ZNF85: variants seen among roughly 807,000 people sequenced by gnomAD.
ZNF85 encodes the protein zinc finger protein 85, also known as zinc finger protein 85 (HPF4, HTF1).
A neutral mutation model predicts 53.9 loss-of-function variants in ZNF85; 50 were observed. The ratio of observed to expected loss-of-function variants is 0.93; its 90% confidence interval spans 0.74 to 1.17. The LOEUF (loss-of-function observed/expected upper bound fraction) is 1.17, where lower values mean the gene tolerates loss of function less well. Ranked by LOEUF, ZNF85 falls within the 50% of genes most tolerant of loss-of-function variation. The pLI, the probability that ZNF85 is intolerant of heterozygous loss-of-function variation, is 0.00. For synonymous variants in ZNF85, 225 were observed against 226.1 expected, an observed-to-expected ratio of 1.00 and a Z score of 0.04; for missense variants, 747 against 688.5, an observed-to-expected ratio of 1.08 and a Z score of -0.95.
chr19:20,923,455 G>C lies in ZNF85; in HGVS notation c.3+52G>C, dbSNP rs757266334. On this transcript the variant is annotated intron_variant, in intron 1 of 3. Transcript: ENST00000328178. ...AGGGGGAAAGGGGTTGGTTGAAACC[G>C]GTGGGAAGCGGCTGTGGCGGGACTC... 3.1e-6 allele frequency: 5 copies of C among 1,612,812 alleles called. No homozygotes were observed. In the Admixed American group the frequency reaches 6.7e-5, roughly 22 times the overall value.
At chr19:20,941,693 C>T (rs1482778489) in intron 3 of ZNF85, among the ~76,000 whole-genome samples, 3 of 152,010 alleles carry the variant, frequency 2.0e-5, no homozygotes, top group Non-Finnish European at 4.4e-5. Flanking sequence ...TATACATTCT[C>T]AATGTTAACT....
chr19:20,923,817 CACGCCTGTAA>C (rs1461090172), intron 1 of ZNF85, among the ~76,000 whole-genome samples: 1 of 152,104 alleles, frequency 6.6e-6, no homozygotes, highest in Non-Finnish European at 1.5e-5. Flanking sequence ...CGTGGTGGCT[CACGCCTGTAA>C]TTTCAGCACT....
chr19:20,936,010 A>G (rs113893886), intron 3 of ZNF85, among the ~76,000 whole-genome samples: 1,815 of 151,860 alleles, frequency 0.012, 34 homozygotes, highest in African/African-American at 0.035. Context: ...ATCTTCCAGT[A>G]TAAAAATGTT....
intron 3 of ZNF85, among the ~76,000 whole-genome samples, chr19:20,945,023 T>C (rs1359090146): frequency 6.6e-6 from 1 of 152,186 alleles, no homozygotes; most frequent in African/African-American, 2.4e-5. Flanking sequence ...TCTTCTACTT[T>C]TATCATCTTA....
At position 20,949,115 on chromosome 19, in the gene ZNF85, T is replaced by G. The variant is rs1973496651; in HGVS notation, c.601T>G (p.Phe201Val). 1.2e-6 allele frequency: 2 copies of G among 1,613,490 alleles called. No homozygotes were observed. The highest frequency in any genetic ancestry group is 1.7e-6 in the Non-Finnish European group (2 of 1,179,706). The change falls in exon 4 of 4, where the codon TTC becomes GTC. Residue 201 changes from phenylalanine to valine, a missense_variant. Coordinates refer to ENST00000328178, the MANE Select transcript of ZNF85 (RefSeq NM_003429.5). The part of the protein sequence containing the change: ...EHSRIHTRVN[F>V]YKCEECGKAF... ...TAGCAGAATTCATACTAGAGTAAAT[T>G]TCTACAAATGTGAAGAATGTGGAAA...
intron 1 of ZNF85, among the ~76,000 whole-genome samples, chr19:20,931,604 TTTTC>T (rs1420503714): frequency 1.4e-5 from 2 of 138,644 alleles, no homozygotes; most frequent in Admixed American, 7.2e-5. Context: ...CATATTTTCT[TTTTC>T]TTTTTCTTTT....
intron 1 of ZNF85, chr19:20,927,992 CCT>C (rs1972920246): frequency 6.7e-6 from 1 of 149,990 alleles, no homozygotes; most frequent in Admixed American, 6.6e-5. Flanking sequence ...TTTTTCCCCA[CCT>C]CTTTTTTTGT....
At chr19:20,947,979 AT>A (rs529228989) in intron 3 of ZNF85, among the ~76,000 whole-genome samples, 2 of 151,968 alleles carry the variant, frequency 1.3e-5, no homozygotes, top group Non-Finnish European at 2.9e-5. Flanking sequence ...TTGCCCCAAT[AT>A]TTTTATATGT....
Position 20,930,939 on chromosome 19 carries a change from A to AT in ZNF85, c.4-3078dup, listed in dbSNP as rs1229550196. 1.2e-4 allele frequency among the ~76,000 whole-genome samples: 18 copies of AT among 152,076 alleles called. No individual in the cohort carries two copies. In the East Asian group the frequency reaches 3.3e-3, roughly 28 times the overall value. ...AGACATGCACCACCACACCCAGCTAATTTTTTTGTATTTTTAGTAGAGACT... is the reference window on the plus strand; with the variant it reads ...AGACATGCACCACCACACCCAGCTAATTTTTTTTGTATTTTTAGTAGAGACT... On this transcript the variant is annotated intron_variant, in intron 1 of 3. Coordinates refer to ENST00000328178, the MANE Select transcript of ZNF85 (RefSeq NM_003429.5).
At chr19:20,941,101 T>A (rs957464238) in intron 3 of ZNF85, among the ~76,000 whole-genome samples, 2 of 152,198 alleles carry the variant, frequency 1.3e-5, no homozygotes, top group African/African-American at 4.8e-5. Flanking sequence ...ACTGCATCCT[T>A]GTTTTCCACC....
intron 1 of ZNF85, among the ~76,000 whole-genome samples, 155 bp from the exon 2 acceptor site, chr19:20,933,869 C>T (rs538670350): frequency 2.8e-4 from 43 of 152,086 alleles, no homozygotes; most frequent in Non-Finnish European, 5.6e-4. Flanking sequence ...TAATTTTAGT[C>T]ACTCCTGTAA....
At position 20,950,001 on chromosome 19, in the gene ZNF85, C is replaced by A. The variant is rs780323306; in HGVS notation, c.1487C>A (p.Thr496Asn). The A allele has an allele frequency of 1.2e-6, 2 of 1,609,514 alleles. No homozygotes were observed. Among genetic ancestry groups the A allele is most frequent in the African/African-American group, 1.4e-5 (1 of 73,946 alleles). Reference protein sequence around the residue: ...ECGKGFKWPSTLTIHKIIHTG... With the variant: ...ECGKGFKWPSNLTIHKIIHTG... The stretch of plus-strand genomic sequence containing the variant: ...GGCAAAGGTTTTAAATGGCCCTCAA[C>A]CCTTACTATCCATAAGATAATTCAT... Residue 496 changes from threonine to asparagine, a missense_variant, in exon 4 of 4, where the codon ACC becomes AAC. Coordinates refer to ENST00000328178, the MANE Select transcript of ZNF85 (RefSeq NM_003429.5).
At position 20,949,608 on chromosome 19, in the gene ZNF85, C is replaced by T. The variant is rs144723751; in HGVS notation, c.1094C>T (p.Thr365Ile). Residue 365 changes from threonine (T) to isoleucine (I), a missense_variant, in exon 4 of 4, where the codon ACT becomes ATT. By Grantham distance (89) the Thr-to-Ile change is moderately conservative (BLOSUM62 -1). Coordinates refer to ENST00000328178, the MANE Select transcript of ZNF85 (RefSeq NM_003429.5). The stretch of plus-strand genomic sequence containing the variant: ...CTTACCACACATGAGGTAATTCATA[C>T]TGGAGAGAAACCCTACAAATGTGAA... Reference protein sequence around the residue: ...AHLTTHEVIHTGEKPYKCEKC... With the variant: ...AHLTTHEVIHIGEKPYKCEKC... 230 of 1,602,326 alleles carry T rather than the reference C, an allele frequency of 1.4e-4. 1 individual carries two copies. In the East Asian group the frequency reaches 3.1e-3, roughly 22 times the overall value.
rs1973229157 is a variant in ZNF85 at position 20,938,928 on chromosome 19, T to C, written c.229+3881T>C. The stretch of plus-strand genomic sequence containing the variant: ...TATTTTATTTAGCAGTTTAAGGCTA[T>C]TTGCTTCTAAATTTGGATTGCAGCA... On this transcript the variant is annotated intron_variant, in intron 3 of 3. Transcript: ENST00000328178. Among the ~76,000 whole-genome samples the C allele has an allele frequency of 2.6e-5, 4 of 152,030 alleles. No homozygotes were observed. In the South Asian group the frequency reaches 6.2e-4, roughly 24 times the overall value.
chr19:20,931,621 T>TTTTTTTTTTTTTTTTTCTTTTTC, intron 1 of ZNF85, among the ~76,000 whole-genome samples: 1 of 53,134 alleles, frequency 1.9e-5, no homozygotes. Context: ...TTTCTTTTTC[T>TTTTTTTTTTTTTTTTTCTTTTTC]TTTTTTTTTT....
intron 3 of ZNF85, among the ~76,000 whole-genome samples, chr19:20,944,880 G>A (rs944389823): frequency 1.4e-4 from 21 of 152,038 alleles, no homozygotes; most frequent in African/African-American, 4.6e-4. Flanking sequence ...TCAGCCATAT[G>A]TCTATTGCTA....
In ZNF85 at chr19:20,948,910, T is replaced by C; in HGVS notation, c.396T>C (p.Asn132=). 1 of 1,613,724 alleles carries C rather than the reference T, an allele frequency of 6.2e-7. No homozygotes were observed. Among genetic ancestry groups the C allele is most frequent in the East Asian group, 2.2e-5 (1 of 44,840 alleles). Residue 132 remains asparagine, a synonymous_variant, in exon 4 of 4, where the codon AAT becomes AAC. Transcript: ENST00000328178. ...GTAAGATGCACAAAGGAGGTTGTAA[T>C]GGACTTAACCAATGTCTCACAGCTA... ...DECKMHKGGC[N]GLNQCLTATQ... is the part of the protein sequence containing the mutation.
rs1555793059 is a variant in ZNF85 at position 20,930,142 on chromosome 19, A to AAAG, written c.4-3882_4-3881insAAG. Among the ~76,000 whole-genome samples the AAAG allele has an allele frequency of 5.7e-3, 823 of 144,478 alleles. 6 individuals are homozygous for AAAG. The highest frequency in any genetic ancestry group is 7.7e-3 in the Non-Finnish European group (506 of 65,556). 94.8% of individuals were successfully genotyped at this position (144,478 alleles called of 152,430 possible). ...TCCCAAAAAAAAAAAAAAAAAAAAA[A>AAAG]GAAATCAGAGTTTTTGTCTGGTGAA... On this transcript the variant is annotated intron_variant, in intron 1 of 3. Transcript: ENST00000328178.
At chr19:20,948,551 T>A in intron 3 of ZNF85, among the ~76,000 whole-genome samples, 193 bp from the exon 4 acceptor site, 1 of 152,172 alleles carries the variant, frequency 6.6e-6, no homozygotes, top group East Asian at 1.9e-4. Flanking sequence ...AACTCATTTA[T>A]AAATTTTCCA....
Sources: allele counts gnomAD v4.1 joint callset (sites outside exome capture counted in the v4.1 genomes callset), GRCh38; gene constraint gnomAD v4.1.1; transcripts MANE v1.5; gene names NCBI Gene and HGNC (gene_info 2026-07-23, HGNC 2026-07-21).